Variants in ROBO2 observed in about 807,000 individuals in gnomAD.
The protein encoded by ROBO2 is roundabout homolog 2.
In ROBO2, 53 loss-of-function variants were observed where a neutral mutation model predicts 160.8. The observed-to-expected ratio is 0.33, with a 90% CI of 0.26 to 0.41. The LOEUF is 0.41. Ranked by LOEUF, ROBO2 falls within the 10% of genes least tolerant of loss-of-function variation. The pLI is 1.00. For missense variants in ROBO2, 1,577 were observed against 1,722.4 expected, an observed-to-expected ratio of 0.92 and a Z score of 1.49; for synonymous variants, 664 against 611.7, an observed-to-expected ratio of 1.09 and a Z score of -1.26.
chr3:76,983,382 G>C, intron 2 of ROBO2, among the ~76,000 whole-genome samples: 1 of 152,206 alleles, frequency 6.6e-6, no homozygotes, highest in South Asian at 2.1e-4. Context: ...AGATTTGAAA[G>C]GCATATGTTG....
At chr3:76,006,852 A>T (rs1407871553) in intron 2 of ROBO2, among the ~76,000 whole-genome samples, 1 of 152,142 alleles carries the variant, frequency 6.6e-6, no homozygotes, top group Admixed American at 6.5e-5. Context: ...TGGAAATTAA[A>T]TATTTTAATG....
chr3:76,895,435 C>T (rs1387852082), intron 2 of ROBO2, among the ~76,000 whole-genome samples: 1 of 151,816 alleles, frequency 6.6e-6, no homozygotes, highest in Non-Finnish European at 1.5e-5. Context: ...ATTTATAATT[C>T]TTAAAATTAA....
At chr3:76,837,641 A>G (rs1400906510) in intron 2 of ROBO2, among the ~76,000 whole-genome samples, 2 of 151,706 alleles carry the variant, frequency 1.3e-5, no homozygotes, top group East Asian at 3.9e-4. Context: ...CTATTTATAT[A>G]TATTATTAAT....
chr3:77,200,321 A>ATTTTTTTT (rs201851831), intron 2 of ROBO2, among the ~76,000 whole-genome samples: 3 of 54,916 alleles, frequency 5.5e-5, no homozygotes, highest in East Asian at 9.8e-4. Context: ...ATATATATAT[A>ATTTTTTTT]TTTTAGTTTC....
At chr3:77,645,752 T>C (rs1377831962) in intron 25 of ROBO2, among the ~76,000 whole-genome samples, 2 of 152,192 alleles carry the variant, frequency 1.3e-5, no homozygotes, top group Admixed American at 1.3e-4. Context: ...AAGATTCATT[T>C]ATAATTTTAA....
intron 2 of ROBO2, among the ~76,000 whole-genome samples, chr3:76,008,283 T>C (rs2066087718): frequency 1.3e-5 from 2 of 149,896 alleles, no homozygotes; most frequent in South Asian, 2.1e-4. Flanking sequence ...CTGCTAAATA[T>C]ATTTCTGGCT....
intron 2 of ROBO2, among the ~76,000 whole-genome samples, chr3:76,603,643 A>G (rs182499915): frequency 4.6e-5 from 7 of 151,958 alleles, no homozygotes; most frequent in Non-Finnish European, 1.0e-4. Context: ...TGGGTGCTGC[A>G]TATACATGCT....
intron 2 of ROBO2, among the ~76,000 whole-genome samples, chr3:76,638,078 A>G (rs911901559): frequency 2.0e-5 from 3 of 152,204 alleles, no homozygotes; most frequent in Admixed American, 6.5e-5. Flanking sequence ...GTTTGGAAGC[A>G]TGAAGATACT....
At chr3:77,047,696 A>T in intron 1 of ROBO2, among the ~76,000 whole-genome samples, 1 of 148,178 alleles carries the variant, frequency 6.7e-6, no homozygotes, top group East Asian at 2.0e-4. Context: ...AAAAAAATAT[A>T]TATAATGATA....
intron 2 of ROBO2, among the ~76,000 whole-genome samples, chr3:77,310,523 G>A (rs2063456254): frequency 1.3e-5 from 2 of 152,196 alleles, no homozygotes; most frequent in Non-Finnish European, 2.9e-5. Context: ...GTGTCTATTT[G>A]TCTTGAAGTT....
At chr3:77,023,433 A>G (rs1438497728) in intron 2 of ROBO2, among the ~76,000 whole-genome samples, 3 of 152,304 alleles carry the variant, frequency 2.0e-5, no homozygotes, top group South Asian at 4.1e-4. Flanking sequence ...CTTTTTGTAA[A>G]CCATTTTTTT....
intron 1 of ROBO2, among the ~76,000 whole-genome samples, chr3:75,909,039 A>G (rs912317856): frequency 6.6e-6 from 1 of 152,230 alleles, no homozygotes; most frequent in Non-Finnish European, 1.5e-5. Flanking sequence ...TCTAATGTAT[A>G]TCTGATGTGG....
At chr3:76,337,117 G>A (rs541942525) in intron 2 of ROBO2, among the ~76,000 whole-genome samples, 1 of 152,214 alleles carries the variant, frequency 6.6e-6, no homozygotes, top group South Asian at 2.1e-4. Flanking sequence ...GTGGGATCCT[G>A]TCTGATTTTC....
chr3:76,253,163 C>G (rs1465129462), intron 2 of ROBO2, among the ~76,000 whole-genome samples: 1 of 152,006 alleles, frequency 6.6e-6, no homozygotes, highest in Non-Finnish European at 1.5e-5. Flanking sequence ...TTTACAGATG[C>G]ATGTGTGTTT....
chr3:76,032,572 G>A (rs938741036), intron 2 of ROBO2, among the ~76,000 whole-genome samples: 6 of 152,204 alleles, frequency 3.9e-5, no homozygotes, highest in Admixed American at 3.3e-4. Flanking sequence ...GTTCTCATTG[G>A]TTTCAAAGAA....
intron 2 of ROBO2, among the ~76,000 whole-genome samples, chr3:76,963,840 A>AAG (rs1376434573): frequency 6.6e-6 from 1 of 150,498 alleles, no homozygotes; most frequent in Non-Finnish European, 1.5e-5. Context: ...GAACTGCAAA[A>AAG]AAAAAAAAAG....
chr3:76,913,615 A>G (rs1334155597), intron 2 of ROBO2, among the ~76,000 whole-genome samples: 2 of 152,216 alleles, frequency 1.3e-5, no homozygotes, highest in African/African-American at 2.4e-5. Flanking sequence ...ACTCTGGTGA[A>G]TAAATAAATT....
At chr3:76,491,040 A>G (rs1310748672) in intron 2 of ROBO2, among the ~76,000 whole-genome samples, 1 of 151,826 alleles carries the variant, frequency 6.6e-6, no homozygotes. Context: ...GCTTACTGCA[A>G]CCTCCGCCTC....
intron 16 of ROBO2, among the ~76,000 whole-genome samples, chr3:77,582,568 A>G (rs1458684421): frequency 6.6e-6 from 1 of 152,000 alleles, no homozygotes; most frequent in African/African-American, 2.4e-5. Flanking sequence ...AAGGGTTAGT[A>G]TTTTTTGGCT....
Sources: allele counts gnomAD v4.1 joint callset (sites outside exome capture counted in the v4.1 genomes callset), GRCh38; gene constraint gnomAD v4.1.1; transcripts MANE v1.5; gene names NCBI Gene and HGNC (gene_info 2026-07-23, HGNC 2026-07-21).